SLC16A7: variants seen among roughly 807,000 people sequenced by gnomAD.
SLC16A7 encodes monocarboxylate transporter 2.
Under a neutral mutation model 34.9 loss-of-function variants are expected in SLC16A7, and 33 were observed. The ratio of observed to expected loss-of-function variants is 0.94; its 90% CI spans 0.72 to 1.26. The LOEUF (loss-of-function observed/expected upper bound fraction) is 1.26. Ranked by LOEUF, SLC16A7 falls within the 50% of genes most tolerant of loss-of-function variation. The pLI is 0.00. For missense variants in SLC16A7, 573 were observed against 578.1 expected (o/e 0.99, Z 0.09); for synonymous variants, 201 against 206.6 (o/e 0.97, Z 0.23).
At chr12:59,720,448 G>A (rs957090732) in intron 3 of SLC16A7, among the ~76,000 whole-genome samples, 1 of 152,020 alleles carries the variant, frequency 6.6e-6, no homozygotes, top group African/African-American at 2.4e-5. Flanking sequence ...TATATTTGAT[G>A]TCAGACCAAG....
At position 59,764,290 on chromosome 12, in the gene SLC16A7, C is replaced by A. The variant is rs979991402; in HGVS notation, c.218-6929C>A. 3.3e-5 allele frequency among the ~76,000 whole-genome samples: 5 copies of A among 152,214 alleles called. No individual in the cohort carries two copies. In the East Asian group the frequency reaches 7.7e-4, roughly 24 times the overall value. On this transcript the variant is annotated intron_variant, in intron 3 of 5. Transcript: ENST00000547379. ...TTCAATTCTACTGAAGGTAAGGAAT[C>A]TGCAGAAGAGAAGTTTGAAGCTAGT... is the stretch of plus-strand genomic sequence containing the variant.
chr12:59,682,416 G>T (rs1007339640), intron 2 of SLC16A7, among the ~76,000 whole-genome samples: 23 of 152,124 alleles, frequency 1.5e-4, no homozygotes, highest in African/African-American at 5.5e-4. Flanking sequence ...TATTTCCTTG[G>T]GCTGAGGTCA....
At chr12:59,715,978 G>A (rs1874853018) in intron 3 of SLC16A7, among the ~76,000 whole-genome samples, 2 of 152,236 alleles carry the variant, frequency 1.3e-5, no homozygotes, top group Admixed American at 6.5e-5. Flanking sequence ...GTTTACTGAA[G>A]TTCTTTTTAA....
At chr12:59,769,947 C>T (rs1381321429) in intron 3 of SLC16A7, among the ~76,000 whole-genome samples, 1 of 151,876 alleles carries the variant, frequency 6.6e-6, no homozygotes, top group Non-Finnish European at 1.5e-5. Flanking sequence ...TGAAAGCAAG[C>T]CATTTATACA....
intron 3 of SLC16A7, among the ~76,000 whole-genome samples, chr12:59,763,272 G>A (rs955704307): frequency 4.6e-5 from 7 of 151,988 alleles, no homozygotes; most frequent in African/African-American, 7.2e-5. Flanking sequence ...TTTTAATTGA[G>A]GTACGTGCTG....
intron 3 of SLC16A7, among the ~76,000 whole-genome samples, chr12:59,755,368 C>G (rs991581165): frequency 2.6e-5 from 4 of 152,152 alleles, no homozygotes; most frequent in African/African-American, 9.7e-5. Flanking sequence ...ATTGTCTCAG[C>G]CCAAAATCTC....
chr12:59,717,893 C>T (rs1418584062), intron 3 of SLC16A7, among the ~76,000 whole-genome samples: 7 of 151,894 alleles, frequency 4.6e-5, no homozygotes. Context: ...TTTTTTCTAC[C>T]TATTTGTGAA....
In SLC16A7 at chr12:59,596,429, G is replaced by C. The variant is rs894012143; in HGVS notation, c.-130+193G>C. ...GCCCTTATATAGACAAAAAAATCCC[G>C]AAGCGGCCGCGGGAGCAGAGCTCGC... On this transcript the variant is annotated intron_variant, in intron 1 of 5. Coordinates refer to ENST00000547379, the MANE Select transcript of SLC16A7 (RefSeq NM_001270623.2). This position sits in a 1 kb window ranked among gnomAD's most constrained non-coding sequence, Gnocchi z 5.0. 3.3e-5 allele frequency among the ~76,000 whole-genome samples: 5 copies of C among 152,242 alleles called. No homozygotes were observed. Among genetic ancestry groups the C allele is most frequent in the Middle Eastern group, 3.4e-3 (1 of 294 alleles).
intron 2 of SLC16A7, among the ~76,000 whole-genome samples, chr12:59,657,384 G>T (rs1868590344): frequency 6.6e-6 from 1 of 151,866 alleles, no homozygotes. Flanking sequence ...TGTCTTAGCT[G>T]TTTTATATTG....
chr12:59,735,887 CA>C, intron 3 of SLC16A7: 1 of 1,101,564 alleles, frequency 9.1e-7, no homozygotes, highest in Admixed American at 3.3e-5. Flanking sequence ...ACTAACCTTT[CA>C]AATGGCCCCT....
At chr12:59,625,007 T>C (rs1879865743) in intron 1 of SLC16A7, among the ~76,000 whole-genome samples, 1 of 151,762 alleles carries the variant, frequency 6.6e-6, no homozygotes, top group African/African-American at 2.4e-5. Flanking sequence ...AGCCATCTGG[T>C]TTCCCCTTTC....
At chr12:59,711,805 G>T (rs892951820) in intron 3 of SLC16A7, among the ~76,000 whole-genome samples, 1 of 152,162 alleles carries the variant, frequency 6.6e-6, no homozygotes, top group South Asian at 2.1e-4. Context: ...CACCCACCCA[G>T]CCCTAATTGC....
intron 3 of SLC16A7, among the ~76,000 whole-genome samples, chr12:59,714,549 TTC>T (rs143686501): frequency 2.7e-5 from 4 of 150,582 alleles, no homozygotes; most frequent in South Asian, 4.2e-4. Context: ...CCTGGTGTCT[TTC>T]TCTCTCTCTC....
chr12:59,663,108 C>T (rs1056360293), intron 2 of SLC16A7, among the ~76,000 whole-genome samples: 9 of 151,902 alleles, frequency 5.9e-5, no homozygotes, highest in Non-Finnish European at 1.2e-4. Context: ...ATACATTATT[C>T]AAATTCCTGT....
intron 1 of SLC16A7, among the ~76,000 whole-genome samples, chr12:59,643,314 A>C (rs978433654): frequency 6.6e-6 from 1 of 152,154 alleles, no homozygotes; most frequent in African/African-American, 2.4e-5. Flanking sequence ...ACTCTGCACT[A>C]TGACCCCAAG....
chr12:59,742,674 C>T (rs1462265849), intron 3 of SLC16A7, among the ~76,000 whole-genome samples: 1 of 152,118 alleles, frequency 6.6e-6, no homozygotes. Flanking sequence ...AAGATAAACC[C>T]AAAGAAGAGA....
At chr12:59,684,096 G>T (rs1206217407) in intron 2 of SLC16A7, among the ~76,000 whole-genome samples, 1 of 152,160 alleles carries the variant, frequency 6.6e-6, no homozygotes, top group Non-Finnish European at 1.5e-5. Flanking sequence ...CGTGACTCTT[G>T]CATGAAACTT....
intron 3 of SLC16A7, among the ~76,000 whole-genome samples, chr12:59,732,064 T>TTA (rs71278297): frequency 0.076 from 11,477 of 151,664 alleles, 523 homozygotes; most frequent in South Asian, 0.16. Context: ...TGCATATATA[T>TTA]TATATATATA....
chr12:59,761,559 A>G (rs1658512867), intron 3 of SLC16A7, among the ~76,000 whole-genome samples: 1 of 152,142 alleles, frequency 6.6e-6, no homozygotes, highest in Non-Finnish European at 1.5e-5. Flanking sequence ...TTTCTAACTA[A>G]TCACAATGAT....
Sources: gnomAD v4.1 joint callset for allele counts (sites outside exome capture counted in the v4.1 genomes callset) on GRCh38, gnomAD v4.1.1 for gene constraint, Gnocchi (gnomAD v3.1) non-coding constraint, MANE v1.5 for transcripts, NCBI Gene and HGNC (gene_info 2026-07-23, HGNC 2026-07-21) for gene names.